Variants in BICD2 observed in about 807,000 individuals in gnomAD.
BICD2 encodes protein bicaudal D homolog 2.
In BICD2, 25 loss-of-function variants were observed where a neutral mutation model predicts 72.9. The observed-to-expected ratio is 0.34, with a 90% CI of 0.25 to 0.48. The LOEUF (loss-of-function observed/expected upper bound fraction) is 0.48, where lower values mean the gene tolerates loss of function less well. BICD2 is among the 20% of genes least tolerant of loss of function. The pLI is 0.99. For missense variants in BICD2, 894 were observed against 1,175.2 expected (o/e 0.76, Z 3.50); for synonymous variants, 501 against 516.1 (o/e 0.97, Z 0.40).
chr9:92,719,696 C>A, intron 4 of BICD2, 114 bp from the exon 5 acceptor site: 2 of 1,128,530 alleles, frequency 1.8e-6, no homozygotes, highest in Non-Finnish European at 1.2e-6. Context: ...AGGCTGTCAG[C>A]CCCAGGTTCC....
At position 92,734,191 on chromosome 9, in the gene BICD2, T is replaced by C. The variant is rs560204782; in HGVS notation, c.241-4955A>G. On this transcript the variant is annotated intron_variant, in intron 1 of 6. Coordinates refer to ENST00000356884, the MANE Select transcript of BICD2 (RefSeq NM_001003800.2). ...TTATATATAAACTTCCATGAATAAG[T>C]GAAGTTAATCTATGCTGTTAGAAGT... Among the ~76,000 whole-genome samples the C allele has an allele frequency of 5.3e-5, 8 of 151,956 alleles. 1 individual carries two copies. The East Asian group carries it at 1.5e-3, about 29-fold the overall frequency.
intron 1 of BICD2, among the ~76,000 whole-genome samples, chr9:92,760,966 A>C (rs1245227264): frequency 6.6e-6 from 1 of 152,204 alleles, no homozygotes. Flanking sequence ...CCTCACCCCC[A>C]GTAACTCTGC....
intron 1 of BICD2, among the ~76,000 whole-genome samples, chr9:92,737,330 T>G (rs974946635): frequency 6.6e-6 from 1 of 152,154 alleles, no homozygotes; most frequent in Non-Finnish European, 1.5e-5. Context: ...AAATACAGGT[T>G]CAGGGAGTTA....
intron 1 of BICD2, among the ~76,000 whole-genome samples, chr9:92,754,571 C>T (rs778544052): frequency 2.0e-5 from 3 of 152,156 alleles, no homozygotes; most frequent in Non-Finnish European, 4.4e-5. Context: ...CAATGAGATG[C>T]CATTATCTGT....
At chr9:92,721,487 T>A (rs1163371390) in intron 3 of BICD2, among the ~76,000 whole-genome samples, 1 of 152,232 alleles carries the variant, frequency 6.6e-6, no homozygotes, top group African/African-American at 2.4e-5. Flanking sequence ...GCTCAGAATT[T>A]GTGGGCAATT....
chr9:92,735,134 G>T (rs1310767540), intron 1 of BICD2, among the ~76,000 whole-genome samples: 2 of 152,196 alleles, frequency 1.3e-5, no homozygotes, highest in Admixed American at 6.5e-5. Flanking sequence ...GGTGAGCCTG[G>T]GTGTGAGGTC....
At chr9:92,733,494 C>T (rs117418645) in intron 1 of BICD2, among the ~76,000 whole-genome samples, 6,024 of 150,642 alleles carry the variant, frequency 0.04, 183 homozygotes, top group South Asian at 0.11. Flanking sequence ...ACCGAGATCA[C>T]GCCACTGTAT....
chr9:92,731,280 C>G (rs1185044545), intron 1 of BICD2, among the ~76,000 whole-genome samples: 1 of 152,170 alleles, frequency 6.6e-6, no homozygotes, highest in African/African-American at 2.4e-5. Context: ...CCAGGTATGA[C>G]AGCTAAATGC....
chr9:92,722,905 G>C (rs1393388047), intron 2 of BICD2, 97 bp from the exon 3 acceptor site: 2 of 1,479,018 alleles, frequency 1.4e-6, no homozygotes, highest in Non-Finnish European at 1.9e-6. Flanking sequence ...CATACAGCCA[G>C]AACTCAAGAG....
intron 1 of BICD2, among the ~76,000 whole-genome samples, chr9:92,740,998 T>C (rs958670111): frequency 1.3e-5 from 2 of 152,220 alleles, no homozygotes; most frequent in Non-Finnish European, 2.9e-5. Context: ...AAAGTGTCCC[T>C]GTCCACAACC....
chr9:92,733,795 G>A (rs1008262684), intron 1 of BICD2, among the ~76,000 whole-genome samples: 9 of 151,824 alleles, frequency 5.9e-5, no homozygotes, highest in Non-Finnish European at 1.0e-4. Context: ...GTGAAACCCC[G>A]TCTCTACTAA....
intron 1 of BICD2, among the ~76,000 whole-genome samples, chr9:92,754,098 T>C (rs1214197222): frequency 6.7e-6 from 1 of 149,508 alleles, no homozygotes; most frequent in Non-Finnish European, 1.5e-5. Context: ...TAAGCCAAGA[T>C]CGCGCCACTG....
intron 1 of BICD2, among the ~76,000 whole-genome samples, chr9:92,758,688 TA>T (rs1052583342): frequency 1.3e-5 from 2 of 151,164 alleles, no homozygotes; most frequent in African/African-American, 4.9e-5. Flanking sequence ...CCATCTCTAC[TA>T]AAAATACAAA....
intron 2 of BICD2, 69 bp downstream of exon 2, chr9:92,728,955 G>A (rs1853623372): frequency 3.2e-6 from 5 of 1,544,250 alleles, no homozygotes; most frequent in African/African-American, 2.7e-5. Context: ...CCACCCACCA[G>A]GCACACCTGC....
At position 92,719,218 on chromosome 9, in the gene BICD2, G is replaced by C. The variant is rs763118302; in HGVS notation, c.1427C>G (p.Ala476Gly). Residue 476 changes from alanine (A) to glycine (G), a missense_variant, in exon 5 of 7, where the codon GCT (alanine) becomes GGT (glycine). Around this residue, in one of 5 missense-constraint regions of BICD2, gnomAD observed 371 missense variants for 439.1 expected, o/e 0.84. Coordinates refer to ENST00000356884, the MANE Select transcript of BICD2 (RefSeq NM_001003800.2). ...CTTCTCCGTGAGTGCCTGGCCCTCA[G>C]CCTCATAGCGGCCCTTCTCCTCGGC... The part of the protein sequence containing the change: ...QHAEEKGRYE[A>G]EGQALTEKVS... 6.2e-7 allele frequency: 1 copy of C among 1,611,388 alleles called. No homozygotes were observed. The highest frequency in any genetic ancestry group is 8.5e-7 in the Non-Finnish European group (1 of 1,179,976).
At chr9:92,735,767 G>A (rs1223396191) in intron 1 of BICD2, among the ~76,000 whole-genome samples, 1 of 152,154 alleles carries the variant, frequency 6.6e-6, no homozygotes, top group Non-Finnish European at 1.5e-5. Context: ...GTAATGGCCT[G>A]CTGTTCACGG....
chr9:92,715,542 C>T (rs1305132600), intron 6 of BICD2, 79 bp from the exon 7 acceptor site: 25 of 1,418,078 alleles, frequency 1.8e-5, no homozygotes, highest in Admixed American at 4.5e-5. Context: ...CTAAGCTGCA[C>T]GGCCCTCTGA....
intron 1 of BICD2, among the ~76,000 whole-genome samples, chr9:92,756,692 C>A (rs966541914): frequency 6.6e-6 from 1 of 150,628 alleles, no homozygotes; most frequent in Non-Finnish European, 1.5e-5. Flanking sequence ...CAGGATGAAA[C>A]CCTGTCTCTA....
At chr9:92,748,534 G>A (rs1029341337) in intron 1 of BICD2, among the ~76,000 whole-genome samples, 20 of 152,204 alleles carry the variant, frequency 1.3e-4, no homozygotes, top group African/African-American at 4.1e-4. Flanking sequence ...ACCCAAGTCA[G>A]CTAAGAAGCC....
Sources: allele counts gnomAD v4.1 joint callset (sites outside exome capture counted in the v4.1 genomes callset), GRCh38; gene constraint gnomAD v4.1.1; regional missense constraint gnomAD v4.1.1; transcripts MANE v1.5; gene names NCBI Gene and HGNC (gene_info 2026-07-23, HGNC 2026-07-21).